Variants in DLGAP2 observed in about 807,000 individuals in gnomAD.
DLGAP2 encodes disks large-associated protein 2.
Under a neutral mutation model 100.3 loss-of-function variants are expected in DLGAP2, and 26 were observed. The ratio of observed to expected loss-of-function variants is 0.26; its 90% CI spans 0.19 to 0.36. The LOEUF is 0.36. DLGAP2 is among the 10% of genes least tolerant of loss of function. The probability of loss-of-function intolerance (pLI) is 1.00; values close to 1 mark genes in which losing one functional copy is unlikely to be tolerated. For synonymous variants in DLGAP2, 886 were observed against 630.1 expected, an observed-to-expected ratio of 1.41 and a Z score of -6.08; for missense variants, 1,858 against 1,453.2, an observed-to-expected ratio of 1.28 and a Z score of -4.53.
rs542981042 is a variant in DLGAP2, at chr8:1,128,480, G to A, written c.74-130371G>A. 3.3e-5 allele frequency among the ~76,000 whole-genome samples: 5 copies of A among 152,366 alleles called. No homozygotes were observed. The South Asian group carries it at 1.0e-3, about 32-fold the overall frequency. ...CTTAGATGTACAGACCCTCGCCACT[G>A]TGTTCCAGCTGCCTGCAGGACTCAG... On this transcript the variant is annotated intron_variant, in intron 2 of 14. Coordinates refer to ENST00000637795, the MANE Select transcript of DLGAP2 (RefSeq NM_001346810.2).
At chr8:1,552,110 C>A (rs999723266) in intron 5 of DLGAP2, among the ~76,000 whole-genome samples, 1 of 152,186 alleles carries the variant, frequency 6.6e-6, no homozygotes, top group Non-Finnish European at 1.5e-5. Context: ...CAGCCAGCCA[C>A]CCACTCCTGG....
intron 1 of DLGAP2, among the ~76,000 whole-genome samples, chr8:812,602 A>G (rs1796392855): frequency 6.6e-6 from 1 of 152,244 alleles, no homozygotes; most frequent in Non-Finnish European, 1.5e-5. Flanking sequence ...TGCCTGTGAC[A>G]TTTCAATTAA....
intron 3 of DLGAP2, among the ~76,000 whole-genome samples, chr8:1,323,484 C>T (rs775420035): frequency 1.3e-5 from 2 of 152,246 alleles, no homozygotes; most frequent in East Asian, 1.9e-4. Context: ...CCACCCCACA[C>T]TGTGGCTCCT....
At chr8:1,494,020 C>A (rs112229922) in intron 3 of DLGAP2, among the ~76,000 whole-genome samples, 6 of 146,142 alleles carry the variant, frequency 4.1e-5, no homozygotes, top group African/African-American at 1.5e-4. Context: ...GGACGCAGGG[C>A]CCCTGCCCTC....
chr8:1,088,037 G>A (rs1804034573), intron 2 of DLGAP2, among the ~76,000 whole-genome samples: 2 of 152,212 alleles, frequency 1.3e-5, no homozygotes. Context: ...CTTCCCGTCT[G>A]GCTCTGCCTT....
intron 2 of DLGAP2, among the ~76,000 whole-genome samples, chr8:1,237,070 G>C (rs1242409360): frequency 1.2e-3 from 100 of 86,636 alleles, no homozygotes; most frequent in Middle Eastern, 0.011. Flanking sequence ...GTCTAGTTCT[G>C]TCACATGGCG....
At chr8:1,492,444 A>G (rs1007949906) in intron 3 of DLGAP2, among the ~76,000 whole-genome samples, 9 of 152,238 alleles carry the variant, frequency 5.9e-5, no homozygotes, top group African/African-American at 2.2e-4. Flanking sequence ...AAATGGGGCA[A>G]GCTCAGATGG....
chr8:1,073,380 C>A (rs1237764529), intron 2 of DLGAP2, among the ~76,000 whole-genome samples: 1 of 151,888 alleles, frequency 6.6e-6, no homozygotes, highest in Non-Finnish European at 1.5e-5. Context: ...GAAATAGTCA[C>A]TCTGAAATTT....
chr8:1,549,470 C>T lies in DLGAP2; in HGVS notation c.1017C>T (p.Ser339=), dbSNP rs374818528. ...DALQSPFGDL[S]LKTSKSNNDV... is the part of the protein sequence containing the mutation. ...TGCAGAGCCCCTTCGGGGACCTGTC[C>T]CTCAAGACCTCCAAGAGCAACAACG... Residue 339 remains serine (S), a synonymous_variant, in exon 5 of 15, where the codon TCC becomes TCT. Transcript: ENST00000637795. 1,049 of 1,613,466 alleles carry T rather than the reference C, an allele frequency of 6.5e-4. No homozygotes were observed. The highest frequency in any genetic ancestry group is 8.3e-4 in the Non-Finnish European group (981 of 1,179,772).
At chr8:1,220,364 A>T (rs999733907) in intron 2 of DLGAP2, among the ~76,000 whole-genome samples, 9 of 152,120 alleles carry the variant, frequency 5.9e-5, no homozygotes, top group African/African-American at 2.2e-4. Flanking sequence ...TTCTTTACCC[A>T]AAAGTAATTC....
At chr8:787,992 A>C (rs374184204) in intron 1 of DLGAP2, among the ~76,000 whole-genome samples, 1 of 152,224 alleles carries the variant, frequency 6.6e-6, no homozygotes, top group African/African-American at 2.4e-5. Flanking sequence ...TCTGTGGCTC[A>C]GGATTCTAGG....
intron 3 of DLGAP2, chr8:1,300,693 A>G (rs994594130): frequency 3.3e-5 from 5 of 152,182 alleles, no homozygotes; most frequent in African/African-American, 4.8e-5. Context: ...TCGGCCTAGG[A>G]GACGGGGATG....
At chr8:1,264,128 C>G (rs188662231) in intron 3 of DLGAP2, among the ~76,000 whole-genome samples, 2 of 151,454 alleles carry the variant, frequency 1.3e-5, no homozygotes, top group Admixed American at 6.6e-5. Flanking sequence ...CAATATGTAA[C>G]ACAATTTATT....
At chr8:838,576 C>T (rs1796925104) in intron 1 of DLGAP2, among the ~76,000 whole-genome samples, 1 of 151,838 alleles carries the variant, frequency 6.6e-6, no homozygotes, top group Admixed American at 6.6e-5. Context: ...ATTATAGATC[C>T]AGTGGATTTC....
intron 5 of DLGAP2, among the ~76,000 whole-genome samples, chr8:1,551,769 T>C (rs569956212): frequency 7.0e-6 from 1 of 142,016 alleles, no homozygotes; most frequent in South Asian, 2.3e-4. Flanking sequence ...TATGCCTGTG[T>C]TGATCTCCCA....
At chr8:1,030,158 A>G (rs1801933317) in intron 2 of DLGAP2, among the ~76,000 whole-genome samples, 1 of 152,234 alleles carries the variant, frequency 6.6e-6, no homozygotes, top group African/African-American at 2.4e-5. Flanking sequence ...TCCTCTTACA[A>G]CAGTCTAAGT....
At chr8:1,414,237 G>C (rs1276380588) in intron 3 of DLGAP2, among the ~76,000 whole-genome samples, 3 of 152,228 alleles carry the variant, frequency 2.0e-5, no homozygotes, top group Non-Finnish European at 4.4e-5. Flanking sequence ...TGGAATGGCA[G>C]GGGTGTTCTG....
At chr8:1,519,507 C>T (rs1391130513) in intron 4 of DLGAP2, among the ~76,000 whole-genome samples, 1 of 152,204 alleles carries the variant, frequency 6.6e-6, no homozygotes, top group Non-Finnish European at 1.5e-5. Context: ...TACTTTATTT[C>T]CTCTCCAGGA....
intron 2 of DLGAP2, among the ~76,000 whole-genome samples, chr8:937,693 G>C (rs887702743): frequency 6.6e-6 from 1 of 152,220 alleles, no homozygotes; most frequent in Non-Finnish European, 1.5e-5. Context: ...GCCAGGTGGA[G>C]CTTGGATGGG....
Sources: allele counts gnomAD v4.1 joint callset (sites outside exome capture counted in the v4.1 genomes callset), GRCh38; gene constraint gnomAD v4.1.1; transcripts MANE v1.5; gene names NCBI Gene and HGNC (gene_info 2026-07-23, HGNC 2026-07-21).